Variants in TLL1 observed in about 807,000 individuals in gnomAD.
The protein encoded by TLL1 is tolloid like 1.
TLL1 carries 49 observed loss-of-function variants against 128.2 expected under a neutral mutation model. The observed-to-expected ratio is 0.38, with a 90% confidence interval of 0.30 to 0.48. TLL1 has a LOEUF of 0.48. Among genes scored for constraint, TLL1 ranks in the 20% least tolerant of loss-of-function variants. The pLI is 0.96. For missense variants in TLL1, 1,123 were observed against 1,242.0 expected (o/e 0.90, Z 1.44); for synonymous variants, 454 against 418.8 (o/e 1.08, Z -1.03).
intron 1 of TLL1, among the ~76,000 whole-genome samples, chr4:165,950,264 C>T (rs958007859): frequency 2.0e-5 from 3 of 151,988 alleles, no homozygotes; most frequent in African/African-American, 7.2e-5. Context: ...ATTTTTACCA[C>T]AAATTATCAC....
At chr4:166,042,260 AT>A in intron 11 of TLL1, 117 bp downstream of exon 11, 1 of 739,678 alleles carries the variant, frequency 1.4e-6, no homozygotes, top group Non-Finnish European at 2.4e-6. Flanking sequence ...ATTTTTCTGA[AT>A]CTGTATTATA....
Position 165,873,686 on chromosome 4 carries a change from A to G in TLL1, c.-219A>G. 1.9e-6 allele frequency: 1 copy of G among 536,862 alleles called. No homozygotes were observed. The highest frequency in any genetic ancestry group is 3.3e-6 in the Non-Finnish European group (1 of 300,506). 33.3% of individuals were successfully genotyped at this position (536,862 alleles called of 1,614,324 possible). ...GCCCTCCGCCCACCCGTGGGCCCCT[A>G]GCCAACTTCTCCCTGCGACTGGGGG... On this transcript the variant is annotated 5_prime_UTR_variant, in exon 1 of 21. Transcript: ENST00000061240.
chr4:166,001,333 A>C (rs1737142617), intron 5 of TLL1, among the ~76,000 whole-genome samples: 1 of 152,088 alleles, frequency 6.6e-6, no homozygotes, highest in South Asian at 2.1e-4. Context: ...TAGCTACTAT[A>C]ATATTATGCC....
chr4:165,957,268 T>C (rs1256217242), intron 1 of TLL1, among the ~76,000 whole-genome samples: 1 of 152,106 alleles, frequency 6.6e-6, no homozygotes, highest in African/African-American at 2.4e-5. Context: ...GGGCATTACA[T>C]AGTGGTAAAG....
At chr4:165,937,645 T>G (rs1733823264) in intron 1 of TLL1, among the ~76,000 whole-genome samples, 1 of 152,132 alleles carries the variant, frequency 6.6e-6, no homozygotes, top group African/African-American at 2.4e-5. Context: ...TTGATGTTTT[T>G]TATGCAATTT....
Position 166,044,264 on chromosome 4 carries a change from G to A in TLL1, c.1524+845G>A, listed in dbSNP as rs139427396. 3,799 of 837,102 alleles carry A rather than the reference G, an allele frequency of 4.5e-3. 85 individuals are homozygous for A. In the African/African-American group the frequency reaches 0.051, roughly 11 times the overall value. The allele number at this position is 837,102 out of a possible 1,614,324, so 51.9% of individuals were successfully genotyped here. ...GACTAATTCACTAAGTGATCAGAAG[G>A]TAGTCATGAGCCCTACTACCCAGTG... On this transcript the variant is annotated intron_variant, in intron 12 of 20. Coordinates refer to ENST00000061240, the MANE Select transcript of TLL1 (RefSeq NM_012464.5).
chr4:165,945,896 G>T (rs1460106366), intron 1 of TLL1, among the ~76,000 whole-genome samples: 1 of 152,104 alleles, frequency 6.6e-6, no homozygotes, highest in Admixed American at 6.6e-5. Flanking sequence ...AACAGCACAC[G>T]TTAAAACTGA....
chr4:166,057,448 G>A (rs1184294486), intron 14 of TLL1, 139 bp downstream of exon 14: 1 of 1,297,774 alleles, frequency 7.7e-7, no homozygotes, highest in African/African-American at 1.5e-5. Context: ...TCAATTCACA[G>A]TCACAGCTGA....
chr4:166,053,990 T>C (rs1160224515), intron 12 of TLL1, among the ~76,000 whole-genome samples: 1 of 152,124 alleles, frequency 6.6e-6, no homozygotes, highest in Non-Finnish European at 1.5e-5. Context: ...TTTTTTTTGT[T>C]GGTTTGTTTT....
chr4:166,085,732 A>C (rs559592008), intron 18 of TLL1, among the ~76,000 whole-genome samples: 6 of 152,180 alleles, frequency 3.9e-5, no homozygotes, highest in Admixed American at 3.3e-4. Flanking sequence ...ACTGGTCTTC[A>C]GGTTTTTTGT....
chr4:165,939,687 C>G (rs944689951), intron 1 of TLL1, among the ~76,000 whole-genome samples: 2 of 151,970 alleles, frequency 1.3e-5, no homozygotes, highest in Non-Finnish European at 2.9e-5. Flanking sequence ...GCCACTAATT[C>G]TCTATCTACT....
chr4:166,055,861 A>G (rs1375755856), intron 13 of TLL1, among the ~76,000 whole-genome samples: 1 of 152,168 alleles, frequency 6.6e-6, no homozygotes, highest in Non-Finnish European at 1.5e-5. Flanking sequence ...TTAACATCAC[A>G]TATGCATTTA....
chr4:165,908,247 C>T (rs929816633), intron 1 of TLL1, among the ~76,000 whole-genome samples: 1 of 152,168 alleles, frequency 6.6e-6, no homozygotes, highest in African/African-American at 2.4e-5. Context: ...ACTTATACTC[C>T]GGTCTTCCAA....
intron 1 of TLL1, among the ~76,000 whole-genome samples, chr4:165,964,460 T>C (rs1281041499): frequency 6.6e-6 from 1 of 152,236 alleles, no homozygotes; most frequent in Non-Finnish European, 1.5e-5. Context: ...TTGGGCATGA[T>C]GGACCTAAGA....
chr4:165,997,483 C>T (rs1460446814), intron 5 of TLL1, among the ~76,000 whole-genome samples: 1 of 152,164 alleles, frequency 6.6e-6, no homozygotes, highest in African/African-American at 2.4e-5. Context: ...CTTACCATCA[C>T]TTTCATTTAG....
chr4:165,926,342 C>A (rs1432015596), intron 1 of TLL1, among the ~76,000 whole-genome samples: 1 of 152,176 alleles, frequency 6.6e-6, no homozygotes, highest in Non-Finnish European at 1.5e-5. Context: ...TTAAAAACTT[C>A]ACACTTGAAG....
chr4:165,884,532 T>C (rs899886561), intron 1 of TLL1, among the ~76,000 whole-genome samples: 1 of 152,174 alleles, frequency 6.6e-6, no homozygotes, highest in Non-Finnish European at 1.5e-5. Context: ...TCACACAACT[T>C]GATTTTAAAA....
intron 15 of TLL1, 102 bp from the exon 16 acceptor site, chr4:166,065,581 C>A: frequency 2.3e-6 from 3 of 1,293,102 alleles, no homozygotes; most frequent in South Asian, 1.3e-5. Context: ...AGTTTGACTA[C>A]CGTAAGAGTA....
At chr4:165,912,368 C>G (rs147223337) in intron 1 of TLL1, among the ~76,000 whole-genome samples, 1 of 152,290 alleles carries the variant, frequency 6.6e-6, no homozygotes, top group Non-Finnish European at 1.5e-5. Flanking sequence ...CTGATCCACT[C>G]CTTTGTTGCT....
Sources: allele counts gnomAD v4.1 joint callset (sites outside exome capture counted in the v4.1 genomes callset), GRCh38; gene constraint gnomAD v4.1.1; transcripts MANE v1.5; gene names NCBI Gene and HGNC (gene_info 2026-07-23, HGNC 2026-07-21).